RCN3: variants seen among roughly 807,000 people sequenced by gnomAD.
The protein encoded by RCN3 is reticulocalbin 3, also known as reticulocalbin-3.
Under a neutral mutation model 35.9 loss-of-function variants are expected in RCN3, and 41 were observed. The ratio of observed to expected loss-of-function variants is 1.14; its 90% CI spans 0.89 to 1.48. The LOEUF is 1.48. RCN3 is among the 40% of genes most tolerant of loss of function. The pLI, the probability that RCN3 is intolerant of heterozygous loss-of-function variation, is 0.00. For missense variants in RCN3, 451 were observed against 471.3 expected, an observed-to-expected ratio of 0.96 and a Z score of 0.40; for synonymous variants, 187 against 193.4, an observed-to-expected ratio of 0.97 and a Z score of 0.27.
intron 2 of RCN3, among the ~76,000 whole-genome samples, chr19:49,533,544 A>G (rs1348614735): frequency 6.6e-6 from 1 of 152,106 alleles, no homozygotes; most frequent in Admixed American, 6.6e-5. Context: ...CCGGAGGAGC[A>G]TGGGGAGGGG....
chr19:49,539,259 C>T, intron 5 of RCN3, 80 bp downstream of exon 5: 1 of 1,099,866 alleles, frequency 9.1e-7, no homozygotes, highest in South Asian at 1.4e-5. Context: ...GCCGGAGGTA[C>T]ATCACCCATC....
chr19:49,539,027 CAAGAGA>C (rs2080150229), intron 4 of RCN3, 86 bp from the exon 5 acceptor site: 6 of 872,108 alleles, frequency 6.9e-6, no homozygotes, highest in Non-Finnish European at 1.0e-5. Context: ...GCTAAATTTC[CAAGAGA>C]ACCTCTCACT....
chr19:49,535,172 G>T (rs935986296), intron 3 of RCN3, among the ~76,000 whole-genome samples: 1 of 152,112 alleles, frequency 6.6e-6, no homozygotes, highest in African/African-American at 2.4e-5. Context: ...TTGTTTTTCT[G>T]CATTTTCTGC....
In RCN3 at chr19:49,528,366, C is replaced by CCCTGT. The variant is rs2080091695; in HGVS notation, c.-6-92_-6-88dup. 1.7e-5 allele frequency: 20 copies of CCCTGT among 1,183,624 alleles called. No homozygotes were observed. In the South Asian group the frequency reaches 4.6e-4, roughly 27 times the overall value. The allele number at this position is 1,183,624 out of a possible 1,614,324, so 73.3% of individuals were successfully genotyped here. On this transcript the variant is annotated intron_variant, in intron 1 of 6. Coordinates refer to ENST00000270645, the MANE Select transcript of RCN3 (RefSeq NM_020650.3). ...GAAAGCTTGCAGCCAACTTCCAACT[C>CCCTGT]CCTGTCCTGTCCTAGGTAACCCCTC...
At chr19:49,530,715 C>G (rs1055363823) in intron 2 of RCN3, among the ~76,000 whole-genome samples, 3 of 152,042 alleles carry the variant, frequency 2.0e-5, no homozygotes, top group Admixed American at 2.0e-4. Flanking sequence ...AGGCTGGTAT[C>G]GACCTCCTGA....
intron 5 of RCN3, among the ~76,000 whole-genome samples, chr19:49,539,747 C>CAG (rs200242088): frequency 0.14 from 14,546 of 105,426 alleles, 969 homozygotes; most frequent in African/African-American, 0.25. Flanking sequence ...TTTTTTGAGA[C>CAG]AGTTTTTTTC....
intron 5 of RCN3, among the ~76,000 whole-genome samples, chr19:49,540,330 T>G (rs1351189297): frequency 1.1e-4 from 16 of 151,990 alleles, no homozygotes; most frequent in Non-Finnish European, 2.4e-4. Context: ...TTTTTATATT[T>G]TTTTCTTAAG....
chr19:49,539,165 T>G lies in RCN3; in HGVS notation c.665T>G (p.Val222Gly). 1 of 1,610,712 alleles carries G rather than the reference T, an allele frequency of 6.2e-7. No homozygotes were observed. Among genetic ancestry groups the G allele is most frequent in the Non-Finnish European group, 8.5e-7 (1 of 1,178,902 alleles). ...LDRNKDGYVQ[V>G]EEYIADLYSA... The stretch of plus-strand genomic sequence containing the variant: ...AGAAACAAAGATGGCTATGTCCAGG[T>G]GGAGGAGTACATCGGTGAGTGGGCC... The change falls in exon 5 of 7, where the codon GTG (valine) becomes GGG (glycine). Residue 222 changes from valine to glycine, a missense_variant. By Grantham distance (109) the Val-to-Gly change is moderately radical (BLOSUM62 -3). Coordinates refer to ENST00000270645, the MANE Select transcript of RCN3 (RefSeq NM_020650.3).
intron 4 of RCN3, 84 bp from the exon 5 acceptor site, chr19:49,539,035 C>G: frequency 1.1e-6 from 1 of 946,768 alleles, no homozygotes; most frequent in East Asian, 2.6e-5. Flanking sequence ...TCCAAGAGAA[C>G]CTCTCACTCT....
At chr19:49,535,871 T>TAG (rs1568710321) in intron 3 of RCN3, among the ~76,000 whole-genome samples, 12 of 146,280 alleles carry the variant, frequency 8.2e-5, no homozygotes, top group African/African-American at 2.8e-4. Flanking sequence ...AATATATATA[T>TAG]ATATAGATAG....
chr19:49,542,177 A>G (rs2080165851), intron 5 of RCN3, among the ~76,000 whole-genome samples: 1 of 152,054 alleles, frequency 6.6e-6, no homozygotes, highest in African/African-American at 2.4e-5. Flanking sequence ...GATTACAGTC[A>G]TCACTGCACC....
In RCN3 at chr19:49,542,622, G is replaced by A. The variant is rs760005511; in HGVS notation, c.749G>A (p.Arg250Gln). Residue 250 changes from arginine (R) to glutamine (Q), a missense_variant, in exon 6 of 7, where the codon CGG (arginine) becomes CAG (glutamine). Coordinates refer to ENST00000270645, the MANE Select transcript of RCN3 (RefSeq NM_020650.3). ...AWVQTERQQF[R>Q]DFRDLNKDGH... ...GTGCAGACGGAGAGGCAGCAGTTCC[G>A]GGACTTCCGGGATCTGAACAAGGAT... 3.4e-5 allele frequency: 54 copies of A among 1,607,420 alleles called. No homozygotes were observed. The highest frequency in any genetic ancestry group is 1.6e-4 in the East Asian group (7 of 44,664).
chr19:49,542,724 A>T lies in RCN3; in HGVS notation c.851A>T (p.His284Leu). The T allele has an allele frequency of 1.3e-6, 2 of 1,592,592 alleles. No homozygotes were observed. The highest frequency in any genetic ancestry group is 1.7e-6 in the Non-Finnish European group (2 of 1,171,158). The change falls in exon 6 of 7, where the codon CAC becomes CTC. Residue 284 changes from histidine to leucine, a missense_variant. Transcript: ENST00000270645. The part of the protein sequence containing the change: ...AQDQPLVEAN[H>L]LLHESDTDKD... ...GACCAGCCCCTGGTGGAAGCCAACC[A>T]CCTGCTGCACGAGAGCGACACGGAC...
In RCN3 at chr19:49,534,410, C is replaced by G; in HGVS notation, c.445+15C>G. The G allele has an allele frequency of 1.3e-6, 2 of 1,536,952 alleles. No individual in the cohort carries two copies. The highest frequency in any genetic ancestry group is 8.7e-7 in the Non-Finnish European group (1 of 1,145,088). The stretch of plus-strand genomic sequence containing the variant: ...CTACGCGCCCGGTACGCGGCGAGCC[C>G]CCGACCCTGCTCCCCATACACCGTG... On this transcript the variant is annotated intron_variant, in intron 3 of 6. Transcript: ENST00000270645.
At chr19:49,539,013 C>T (rs929440189) in intron 4 of RCN3, 106 bp from the exon 5 acceptor site, 140 of 720,440 alleles carry the variant, frequency 1.9e-4, no homozygotes, top group Middle Eastern at 7.7e-4. Flanking sequence ...CACAGCTGCC[C>T]GGAGCTAAAT....
rs745778993 is a variant in RCN3, at chr19:49,542,597, G to A, written c.724G>A (p.Val242Met). The change falls in exon 6 of 7, where the codon GTG becomes ATG. Residue 242 changes from valine (V) to methionine (M), a missense_variant. Coordinates refer to ENST00000270645, the MANE Select transcript of RCN3 (RefSeq NM_020650.3). ...AEPGEEEPAW[V>M]QTERQQFRDF... ...GCCTGGGGAGGAGGAGCCGGCGTGGGTGCAGACGGAGAGGCAGCAGTTCCG... is the reference window on the plus strand; with the variant it reads ...GCCTGGGGAGGAGGAGCCGGCGTGGATGCAGACGGAGAGGCAGCAGTTCCG... The A allele has an allele frequency of 4.3e-6, 7 of 1,609,226 alleles. No individual in the cohort carries two copies. The highest frequency in any genetic ancestry group is 5.9e-6 in the Non-Finnish European group (7 of 1,178,328).
Position 49,543,289 on chromosome 19 carries a change from C to A in RCN3, c.*76C>A. 1 of 1,175,728 alleles carries A rather than the reference C, an allele frequency of 8.5e-7. No individual in the cohort carries two copies. Among genetic ancestry groups the A allele is most frequent in the South Asian group, 1.3e-5 (1 of 78,452 alleles). 72.8% of individuals were successfully genotyped at this position (1,175,728 alleles called of 1,614,324 possible). ...GGGCCGCTGTGGTCTGGCCCCCTCC[C>A]TGTCCAGGCCCCGCAGGAGGCAGAT... is the stretch of plus-strand genomic sequence containing the variant. On this transcript the variant is annotated 3_prime_UTR_variant, in exon 7 of 7. Coordinates refer to ENST00000270645, the MANE Select transcript of RCN3 (RefSeq NM_020650.3).
In RCN3 at chr19:49,530,482, ATTTTTCTTT is replaced by A. The variant is rs1197521246; in HGVS notation, c.242+1783_242+1791del. Among the ~76,000 whole-genome samples the A allele has an allele frequency of 2.1e-5, 3 of 141,490 alleles. No individual in the cohort carries two copies. The East Asian group carries it at 6.4e-4, about 30-fold the overall frequency. 92.8% of individuals were successfully genotyped at this position (141,490 alleles called of 152,430 possible). ...ACAGCACCCAGCCCAGGCCCAGGTA[ATTTTTCTTT>A]TTTTTCTTTTTTTTTTTTTTTTGAG... On this transcript the variant is annotated intron_variant, in intron 2 of 6. Coordinates refer to ENST00000270645, the MANE Select transcript of RCN3 (RefSeq NM_020650.3).
chr19:49,528,607 T>A lies in RCN3; in HGVS notation c.135T>A (p.His45Gln), dbSNP rs1253619283. 6.2e-7 allele frequency: 1 copy of A among 1,611,874 alleles called. No individual in the cohort carries two copies. Among genetic ancestry groups the A allele is most frequent in the South Asian group, 1.1e-5 (1 of 90,694 alleles). The change falls in exon 2 of 7, where the codon CAT (histidine) becomes CAA (glutamine). Residue 45 changes from histidine to glutamine, a missense_variant. His to Gln is a conservative substitution (Grantham distance 24, BLOSUM62 0). Transcript: ENST00000270645. The stretch of plus-strand genomic sequence containing the variant: ...CGGCCCCCCTGAGCGACGCTCCCCA[T>A]GATGACGCCCACGGGAACTTCCAGT... ...HQAAPLSDAP[H>Q]DDAHGNFQYD...
Sources: gnomAD v4.1 joint callset for allele counts (sites outside exome capture counted in the v4.1 genomes callset) on GRCh38, gnomAD v4.1.1 for gene constraint, MANE v1.5 for transcripts, NCBI Gene and HGNC (gene_info 2026-07-23, HGNC 2026-07-21) for gene names.